CDH2: variants seen among roughly 807,000 people sequenced by gnomAD.
CDH2 encodes the protein cadherin-2.
CDH2 carries 17 observed loss-of-function variants against 92.0 expected under a neutral mutation model. The ratio of observed to expected loss-of-function variants is 0.18; its 90% CI spans 0.13 to 0.28. The LOEUF (loss-of-function observed/expected upper bound fraction) is 0.28. CDH2 is among the 10% of genes least tolerant of loss of function. The pLI is 1.00. For missense variants in CDH2, 862 were observed against 1,133.1 expected (o/e 0.76, Z 3.44); for synonymous variants, 419 against 415.9 (o/e 1.01, Z -0.09).
intron 2 of CDH2, among the ~76,000 whole-genome samples, chr18:28,080,510 C>T (rs1375476580): frequency 6.6e-6 from 1 of 151,942 alleles, no homozygotes; most frequent in African/African-American, 2.4e-5. Flanking sequence ...ATTAACAAAG[C>T]ATAAGACAAC....
intron 15 of CDH2, among the ~76,000 whole-genome samples, chr18:27,959,997 A>G (rs1242370098): frequency 2.1e-5 from 3 of 144,840 alleles, no homozygotes; most frequent in Non-Finnish European, 3.0e-5. Flanking sequence ...CCTGAGCAAC[A>G]GAGAGAGACC....
At chr18:28,079,822 C>G (rs549772591) in intron 2 of CDH2, among the ~76,000 whole-genome samples, 11 of 152,120 alleles carry the variant, frequency 7.2e-5, no homozygotes. Flanking sequence ...AATTCCACCC[C>G]CCCTCAGAAA....
intron 15 of CDH2, among the ~76,000 whole-genome samples, chr18:27,961,301 A>G (rs2143880881): frequency 6.6e-6 from 1 of 151,632 alleles, no homozygotes; most frequent in Middle Eastern, 3.4e-3. Context: ...AACATGAACA[A>G]GAAATAGCGC....
chr18:28,005,792 G>A lies in CDH2; in HGVS notation c.847+57C>T, dbSNP rs182830614. 2.0e-4 allele frequency: 252 copies of A among 1,278,162 alleles called. No individual in the cohort carries two copies. The African/African-American group carries it at 3.5e-3, about 18-fold the overall frequency. The allele number at this position is 1,278,162 out of a possible 1,614,324, so 79.2% of individuals were successfully genotyped here. A position where few individuals can be genotyped will look rare whatever the true frequency, so the allele number is the denominator to read the frequency against. On this transcript the variant is annotated intron_variant, in intron 6 of 15. Coordinates refer to ENST00000269141, the MANE Select transcript of CDH2 (RefSeq NM_001792.5). ...TCTCCATTTCTTGCTCATATAACAGGGCTGGTTACACCATACTTTCCTCAA... is the reference window on the plus strand; with the variant it reads ...TCTCCATTTCTTGCTCATATAACAGAGCTGGTTACACCATACTTTCCTCAA...
At chr18:27,966,927 T>A (rs2011547072) in intron 14 of CDH2, among the ~76,000 whole-genome samples, 1 of 152,166 alleles carries the variant, frequency 6.6e-6, no homozygotes. Context: ...TTATGCCAGA[T>A]ATCAAAGGAG....
intron 6 of CDH2, among the ~76,000 whole-genome samples, chr18:27,944,221 GTAGAAAC>G (rs1158231066): frequency 2.6e-5 from 4 of 152,188 alleles, no homozygotes; most frequent in East Asian, 3.9e-4. Context: ...TTCTCACAAA[GTAGAAAC>G]TAGAAAAATA....
At chr18:27,992,535 A>C (rs983974535) in intron 9 of CDH2, 120 bp downstream of exon 9, 5 of 766,092 alleles carry the variant, frequency 6.5e-6, no homozygotes, top group Non-Finnish European at 8.4e-6. Context: ...TCAGACCCAC[A>C]TCTGGAGATG....
Position 28,177,093 on chromosome 18 carries a change from AGGCAGC to A in CDH2, c.-77_-72del. 4 of 1,143,466 alleles carry A rather than the reference AGGCAGC, an allele frequency of 3.5e-6. No individual in the cohort carries two copies. The highest frequency in any genetic ancestry group is 4.9e-6 in the Non-Finnish European group (4 of 823,252). The allele number at this position is 1,143,466 out of a possible 1,614,324, so 70.8% of individuals were successfully genotyped here. Reference sequence around the variant, plus strand: ...GCGGCGGCGGCGGCGGAGGAGGAGGAGGCAGCGGCAGCACCAACAGCGGCGCGGAGA... The same window carrying A: ...GCGGCGGCGGCGGCGGAGGAGGAGGAGGCAGCACCAACAGCGGCGCGGAGA... On this transcript the variant is annotated 5_prime_UTR_variant, in exon 1 of 16. Transcript: ENST00000269141.
chr18:28,067,636 A>G (rs17468636), intron 2 of CDH2, among the ~76,000 whole-genome samples: 25,352 of 152,084 alleles, frequency 0.17, 2,432 homozygotes, highest in East Asian at 0.3. Flanking sequence ...TCATTAGCTG[A>G]TGGGCATTTG....
chr18:28,012,327 A>G (rs896910061), intron 3 of CDH2, among the ~76,000 whole-genome samples: 4 of 152,184 alleles, frequency 2.6e-5, no homozygotes, highest in Admixed American at 2.6e-4. Flanking sequence ...ATTAGTTTAA[A>G]CCACAGTTCA....
At chr18:28,108,918 G>C (rs1472142500) in intron 2 of CDH2, among the ~76,000 whole-genome samples, 3 of 152,046 alleles carry the variant, frequency 2.0e-5, no homozygotes, top group Admixed American at 2.0e-4. Context: ...AATCATGAAA[G>C]GCAGAATCAT....
chr18:28,111,783 T>C (rs1239226055), intron 2 of CDH2, among the ~76,000 whole-genome samples: 1 of 152,210 alleles, frequency 6.6e-6, no homozygotes, highest in Non-Finnish European at 1.5e-5. Flanking sequence ...ATTAAGAGCT[T>C]GAAACACATG....
In CDH2 at chr18:27,985,583, A is replaced by G; in HGVS notation, c.1920T>C (p.Asp640=). 6.2e-7 allele frequency: 1 copy of G among 1,614,090 alleles called. No homozygotes were observed. The change falls in exon 12 of 16, where the codon GAT becomes GAC. Residue 640 remains aspartate, a synonymous_variant. Coordinates refer to ENST00000269141, the MANE Select transcript of CDH2 (RefSeq NM_001792.5). ...TAATAGTCACTGGAGATAAAGGAAG[A>G]TCAAAAGCAAATGGTCCAGCATTTG... is the stretch of plus-strand genomic sequence containing the variant. ...IDPNAGPFAF[D]LPLSPVTIKR... is the part of the protein sequence containing the mutation.
chr18:28,048,564 A>C (rs2014126832), intron 2 of CDH2, among the ~76,000 whole-genome samples: 1 of 152,220 alleles, frequency 6.6e-6, no homozygotes, highest in Non-Finnish European at 1.5e-5. Context: ...GGGCACGGAG[A>C]GACTGGCATT....
chr18:28,004,013 G>T (rs1333938153), intron 6 of CDH2, among the ~76,000 whole-genome samples: 1 of 152,086 alleles, frequency 6.6e-6, no homozygotes, highest in Non-Finnish European at 1.5e-5. Context: ...TTTACATTGG[G>T]TATTCTCTCT....
chr18:28,065,294 C>T (rs192562475), intron 2 of CDH2, among the ~76,000 whole-genome samples: 25 of 152,180 alleles, frequency 1.6e-4, no homozygotes, highest in Admixed American at 1.0e-3. Context: ...CTCTATCAGG[C>T]ATCACAGCTG....
intron 7 of CDH2, among the ~76,000 whole-genome samples, chr18:28,000,976 A>G (rs980315005): frequency 2.0e-5 from 3 of 152,250 alleles, no homozygotes; most frequent in South Asian, 2.1e-4. Flanking sequence ...ATTATCATAA[A>G]CCATCCGAGA....
chr18:27,970,072 A>T (rs2011620008), intron 14 of CDH2, among the ~76,000 whole-genome samples: 1 of 152,194 alleles, frequency 6.6e-6, no homozygotes, highest in African/African-American at 2.4e-5. Flanking sequence ...ACGGAAAGTG[A>T]AGATGTCAGA....
chr18:28,016,045 A>G (rs1402383468), intron 2 of CDH2, among the ~76,000 whole-genome samples: 1 of 152,220 alleles, frequency 6.6e-6, no homozygotes, highest in African/African-American at 2.4e-5. Flanking sequence ...GGGCCAGGTC[A>G]TCACTTTGGG....
Sources: allele counts gnomAD v4.1 joint callset (sites outside exome capture counted in the v4.1 genomes callset), GRCh38; gene constraint gnomAD v4.1.1; transcripts MANE v1.5; gene names NCBI Gene and HGNC (gene_info 2026-07-23, HGNC 2026-07-21).